DCAF6: variants seen among roughly 807,000 people sequenced by gnomAD.
DCAF6 encodes DDB1 and CUL4 associated factor 6.
DCAF6 carries 54 observed loss-of-function variants against 125.1 expected under a neutral mutation model. The ratio of observed to expected loss-of-function variants is 0.43; its 90% confidence interval spans 0.35 to 0.54. The LOEUF is 0.54. Ranked by LOEUF, DCAF6 falls within the 20% of genes least tolerant of loss-of-function variation. The pLI, the probability that DCAF6 is intolerant of heterozygous loss-of-function variation, is 0.01. For synonymous variants in DCAF6, 371 were observed against 390.4 expected (o/e 0.95, Z 0.58); for missense variants, 934 against 1,161.7 (o/e 0.80, Z 2.85).
upstream of DCAF6, among the ~76,000 whole-genome samples, chr1:167,934,607 G>A (rs560330745): frequency 5.3e-5 from 8 of 152,266 alleles, no homozygotes; most frequent in South Asian, 1.7e-3. Flanking sequence ...TATCAAACTG[G>A]AAATCAGATT....
intron 21 of DCAF6, among the ~76,000 whole-genome samples, chr1:168,069,930 A>G (rs1692820427): frequency 6.6e-6 from 1 of 152,176 alleles, no homozygotes. Flanking sequence ...TTGAGGAAGC[A>G]GCATTTTAAA....
intron 3 of DCAF6, among the ~76,000 whole-genome samples, chr1:167,974,400 T>C (rs946866379): frequency 1.3e-5 from 2 of 152,192 alleles, no homozygotes; most frequent in Non-Finnish European, 2.9e-5. Context: ...CTGTGTCTTA[T>C]GTGTACCATT....
the DCAF6 span, among the ~76,000 whole-genome samples, chr1:167,919,551 A>T: frequency 1.3e-5 from 2 of 152,250 alleles, no homozygotes. Flanking sequence ...TATCATTTCC[A>T]ATACTACATA....
intron 3 of DCAF6, among the ~76,000 whole-genome samples, chr1:167,970,003 C>T (rs1438262850): frequency 6.6e-6 from 1 of 152,190 alleles, no homozygotes; most frequent in Admixed American, 6.5e-5. Flanking sequence ...TCTCGAACTC[C>T]TGAGCTCAAA....
At chr1:167,883,433 T>C in the DCAF6 span, 1 of 1,614,204 alleles carries the variant, frequency 6.2e-7, no homozygotes, top group Non-Finnish European at 8.5e-7. Flanking sequence ...TAGTTCACAC[T>C]TACCTTGTCA....
intron 12 of DCAF6, among the ~76,000 whole-genome samples, chr1:168,024,235 AAAAG>A (rs1162529435): frequency 4.0e-5 from 6 of 151,544 alleles, no homozygotes; most frequent in Non-Finnish European, 5.9e-5. Context: ...AAAAAAAAAA[AAAAG>A]AACAGAAAAA....
In DCAF6 at chr1:168,049,428, GTTGTTTTT is replaced by G. The variant is rs1363017630; in HGVS notation, c.2259-1461_2259-1454del. On this transcript the variant is annotated intron_variant, in intron 16 of 21. Coordinates refer to ENST00000367840, the MANE Select transcript of DCAF6 (RefSeq NM_001198956.2). ...CTGCTAATTTGTTGTTGTTGTTGTT[GTTGTTTTT>G]TTTTTTTTTTTTTTTTAGAAGAGAC... Among the ~76,000 whole-genome samples the G allele has an allele frequency of 2.0e-3, 132 of 67,436 alleles. 1 individual carries two copies. The South Asian group carries it at 0.049, about 25-fold the overall frequency. The allele number at this position is 67,436 out of a possible 152,430, so 44.2% of individuals were successfully genotyped here.
chr1:167,950,605 T>G (rs1673778426), intron 1 of DCAF6, among the ~76,000 whole-genome samples: 1 of 152,164 alleles, frequency 6.6e-6, no homozygotes, highest in African/African-American at 2.4e-5. Context: ...GATTTTGACA[T>G]GGAATGGCAA....
At chr1:167,991,389 A>G (rs964145992) in intron 6 of DCAF6, 50 bp downstream of exon 6, 2 of 1,504,048 alleles carry the variant, frequency 1.3e-6, no homozygotes, top group Non-Finnish European at 1.8e-6. Flanking sequence ...TCAAAGAGTA[A>G]ATCTCTATGA....
Position 168,013,187 on chromosome 1 carries a change from G to A in DCAF6, c.1379-2594G>A, listed in dbSNP as rs553185809. Among the ~76,000 whole-genome samples the A allele has an allele frequency of 7.9e-4, 120 of 152,242 alleles. 1 individual carries two copies. Among genetic ancestry groups the A allele is most frequent in the African/African-American group, 2.8e-3 (118 of 41,542 alleles). ...TGAAAAGAAAGCAGTATGCCACTGAGCATCACCATTTGTTTGTCAATGAAT... is the reference window on the plus strand; with the variant it reads ...TGAAAAGAAAGCAGTATGCCACTGAACATCACCATTTGTTTGTCAATGAAT... On this transcript the variant is annotated intron_variant, in intron 10 of 21. Transcript: ENST00000367840.
intron 20 of DCAF6, among the ~76,000 whole-genome samples, chr1:168,067,061 A>T (rs1692430625): frequency 6.6e-6 from 1 of 152,020 alleles, no homozygotes; most frequent in African/African-American, 2.4e-5. Flanking sequence ...GGAAGGCATT[A>T]CTCTGGGCCT....
chr1:167,863,870 A>G, the DCAF6 span, among the ~76,000 whole-genome samples: 1 of 152,216 alleles, frequency 6.6e-6, no homozygotes, highest in Admixed American at 6.5e-5. Flanking sequence ...TGCCCACTCC[A>G]TTTGAGTGGA....
At chr1:167,888,868 T>C in the DCAF6 span, among the ~76,000 whole-genome samples, 2 of 111,024 alleles carry the variant, frequency 1.8e-5, no homozygotes, top group Non-Finnish European at 1.8e-5. Flanking sequence ...AGAGGGAGAC[T>C]CCGTCTCAAA....
At chr1:167,999,967 T>A (rs1682342505) in intron 7 of DCAF6, among the ~76,000 whole-genome samples, 1 of 152,200 alleles carries the variant, frequency 6.6e-6, no homozygotes, top group African/African-American at 2.4e-5. Flanking sequence ...TGGCCTGTCT[T>A]GGCTTTCAAC....
intron 1 of DCAF6, 157 bp downstream of exon 1, chr1:167,937,165 G>A (rs1671395318): frequency 3.1e-6 from 2 of 645,944 alleles, no homozygotes; most frequent in Non-Finnish European, 2.8e-6. Flanking sequence ...ATTCCGTGCC[G>A]GTGCCTCCCC....
At chr1:167,868,173 T>G in the DCAF6 span, among the ~76,000 whole-genome samples, 1 of 152,146 alleles carries the variant, frequency 6.6e-6, no homozygotes, top group Non-Finnish European at 1.5e-5. Flanking sequence ...AGAAATTTGT[T>G]TTTGCAATTA....
the DCAF6 span, among the ~76,000 whole-genome samples, chr1:167,911,086 A>C: frequency 1.3e-5 from 2 of 152,216 alleles, no homozygotes; most frequent in South Asian, 4.1e-4. Flanking sequence ...TTTGTTGCTC[A>C]GGATCAACTA....
At chr1:167,926,413 T>C in the DCAF6 span, among the ~76,000 whole-genome samples, 1 of 152,220 alleles carries the variant, frequency 6.6e-6, no homozygotes, top group Non-Finnish European at 1.5e-5. Context: ...TAGAAAATAA[T>C]TTAGTTTCTT....
the DCAF6 span, among the ~76,000 whole-genome samples, chr1:167,926,782 T>A: frequency 1.3e-5 from 2 of 152,224 alleles, no homozygotes; most frequent in Non-Finnish European, 2.9e-5. Flanking sequence ...ACTAGTTTCA[T>A]GCTATTTTAT....
Sources: allele counts gnomAD v4.1 joint callset (sites outside exome capture counted in the v4.1 genomes callset), GRCh38; gene constraint gnomAD v4.1.1; transcripts MANE v1.5; gene names NCBI Gene and HGNC (gene_info 2026-07-23, HGNC 2026-07-21).